AGBL1: variants seen among roughly 807,000 people sequenced by gnomAD.
AGBL1 encodes the protein AGBL carboxypeptidase 1, also known as cytosolic carboxypeptidase 4.
A neutral mutation model predicts 118.9 loss-of-function variants in AGBL1; 130 were observed. That is an observed-to-expected ratio of 1.09 (90% CI 0.95 to 1.26). AGBL1 has a LOEUF of 1.26. AGBL1 is among the 50% of genes most tolerant of loss of function. The pLI is 0.00. For synonymous variants in AGBL1, 555 were observed against 478.9 expected, an observed-to-expected ratio of 1.16 and a Z score of -2.08; for missense variants, 1,584 against 1,298.1, an observed-to-expected ratio of 1.22 and a Z score of -3.38.
chr15:86,856,425 GGAGGTCTA>G (rs1365981036), intron 22 of AGBL1, among the ~76,000 whole-genome samples: 2 of 152,236 alleles, frequency 1.3e-5, no homozygotes, highest in Non-Finnish European at 2.9e-5. Context: ...ATTGGAAAGT[GGAGGTCTA>G]GATCTAAGAC....
chr15:86,414,253 C>G (rs2081659995), intron 18 of AGBL1, among the ~76,000 whole-genome samples: 1 of 152,140 alleles, frequency 6.6e-6, no homozygotes, highest in South Asian at 2.1e-4. Flanking sequence ...GATAGGTATA[C>G]TAGAAACCCA....
intron 17 of AGBL1, among the ~76,000 whole-genome samples, chr15:86,391,969 A>AT (rs547046481): frequency 4.4e-4 from 67 of 151,864 alleles, no homozygotes; most frequent in African/African-American, 1.5e-3. Flanking sequence ...GTGAAAATTC[A>AT]TTTTTTTTAC....
intron 21 of AGBL1, among the ~76,000 whole-genome samples, chr15:86,601,983 T>A (rs1408618707): frequency 6.6e-6 from 1 of 152,164 alleles, no homozygotes; most frequent in Non-Finnish European, 1.5e-5. Context: ...TTATGAATTA[T>A]CTCCATTAAA....
intron 23 of AGBL1, among the ~76,000 whole-genome samples, chr15:86,928,511 G>A (rs1193214976): frequency 1.3e-5 from 2 of 152,150 alleles, no homozygotes; most frequent in Non-Finnish European, 2.9e-5. Flanking sequence ...ATTTATTTGA[G>A]TCTAGGGCTG....
In AGBL1 at chr15:86,436,941, A is replaced by G. The variant is rs373029378; in HGVS notation, c.2555+39395A>G. The stretch of plus-strand genomic sequence containing the variant: ...ACTCTGTAACTCACCAAAGTAAAAC[A>G]AACTGGCCTTGCCAAATCTTGAAAA... On this transcript the variant is annotated intron_variant, in intron 18 of 22. Transcript: ENST00000614907. Among the ~76,000 whole-genome samples, 73 of 152,280 alleles carry G rather than the reference A, an allele frequency of 4.8e-4. 1 individual carries two copies. The highest frequency in any genetic ancestry group is 1.5e-3 in the African/African-American group (63 of 41,576).
intron 23 of AGBL1, among the ~76,000 whole-genome samples, chr15:86,946,769 G>A (rs777820297): frequency 1.7e-4 from 26 of 151,154 alleles, no homozygotes; most frequent in Non-Finnish European, 2.5e-4. Flanking sequence ...GGTTGAACCC[G>A]GGAGGGGGAG....
In AGBL1 at chr15:86,910,983, T is replaced by TCAAG. The variant is rs1440054385; in HGVS notation, c.*3691_*3694dup. On this transcript the variant is annotated 3_prime_UTR_variant, in exon 23 of 23. Transcript: ENST00000614907. ...ATAGTTATAAGAGCCATTCTTCCAG[T>TCAAG]CAAGCCAGGACTTTCTCTTGCTGGC... 6.6e-6 allele frequency: 1 copy of TCAAG among 152,218 alleles called. No individual in the cohort carries two copies. Among genetic ancestry groups the TCAAG allele is most frequent in the Non-Finnish European group, 1.5e-5 (1 of 68,044 alleles). The allele number at this position is 152,218 out of a possible 1,614,324, so 9.4% of individuals were successfully genotyped here.
chr15:86,754,304 A>G (rs1206705792), intron 22 of AGBL1, among the ~76,000 whole-genome samples: 1 of 152,130 alleles, frequency 6.6e-6, no homozygotes, highest in African/African-American at 2.4e-5. Flanking sequence ...GCCCAGCTAG[A>G]TTATAAAATT....
chr15:86,440,169 A>G (rs529459574), intron 18 of AGBL1, among the ~76,000 whole-genome samples: 1 of 152,366 alleles, frequency 6.6e-6, no homozygotes, highest in African/African-American at 2.4e-5. Flanking sequence ...TGAAAGAAAA[A>G]GAGCAAATGA....
chr15:86,131,304 AG>A (rs2076815387), intron 1 of AGBL1, among the ~76,000 whole-genome samples: 1 of 152,186 alleles, frequency 6.6e-6, no homozygotes, highest in Non-Finnish European at 1.5e-5. Context: ...ATTCAAGAGT[AG>A]TTGACATGGA....
intron 18 of AGBL1, 38 bp downstream of exon 18, chr15:86,397,584 T>A: frequency 1.3e-6 from 2 of 1,561,652 alleles, no homozygotes; most frequent in Non-Finnish European, 1.7e-6. Context: ...CCCACAATTA[T>A]GCTACCACAG....
At chr15:86,243,594 G>C (rs1274274240) in intron 6 of AGBL1, among the ~76,000 whole-genome samples, 1 of 152,160 alleles carries the variant, frequency 6.6e-6, no homozygotes, top group Non-Finnish European at 1.5e-5. Context: ...ATGGAGCTAG[G>C]GGGTGCCAGG....
intron 18 of AGBL1, among the ~76,000 whole-genome samples, chr15:86,408,408 C>G (rs1466138085): frequency 6.6e-6 from 1 of 152,180 alleles, no homozygotes; most frequent in Non-Finnish European, 1.5e-5. Context: ...TGTTTGCTAT[C>G]CGAAAATCAT....
chr15:86,125,154 A>C (rs1898339862), intron 1 of AGBL1, among the ~76,000 whole-genome samples: 1 of 152,188 alleles, frequency 6.6e-6, no homozygotes, highest in South Asian at 2.1e-4. Flanking sequence ...TCCTTGAAGA[A>C]AATGGGAGCC....
At chr15:86,276,723 G>A (rs955592302) in intron 15 of AGBL1, among the ~76,000 whole-genome samples, 2 of 152,180 alleles carry the variant, frequency 1.3e-5, no homozygotes, top group Non-Finnish European at 2.9e-5. Context: ...AAGGAAGATG[G>A]AAAGGGCTTT....
chr15:86,982,722 A>G (rs1225309359), intron 23 of AGBL1, among the ~76,000 whole-genome samples: 2 of 152,280 alleles, frequency 1.3e-5, no homozygotes, highest in East Asian at 3.9e-4. Flanking sequence ...TTTTAATAAC[A>G]TTTTCCTTTC....
At chr15:86,583,664 T>G (rs563409570) in intron 21 of AGBL1, among the ~76,000 whole-genome samples, 2 of 152,214 alleles carry the variant, frequency 1.3e-5, no homozygotes, top group South Asian at 4.1e-4. Context: ...TCTTTTAGAC[T>G]GATCATTTTA....
intron 24 of AGBL1, among the ~76,000 whole-genome samples, chr15:87,002,156 T>A (rs575327533): frequency 6.6e-6 from 1 of 152,222 alleles, no homozygotes; most frequent in South Asian, 2.1e-4. Context: ...AATTTTTGTA[T>A]AAGGTATAAG....
At chr15:86,899,964 A>C (rs1459966136) in intron 22 of AGBL1, among the ~76,000 whole-genome samples, 1 of 152,146 alleles carries the variant, frequency 6.6e-6, no homozygotes, top group Non-Finnish European at 1.5e-5. Flanking sequence ...AGCTAGAATA[A>C]AGCAGGCAGA....
Sources: allele counts gnomAD v4.1 joint callset (sites outside exome capture counted in the v4.1 genomes callset), GRCh38; gene constraint gnomAD v4.1.1; transcripts MANE v1.5; gene names NCBI Gene and HGNC (gene_info 2026-07-23, HGNC 2026-07-21).